Variants in LRRIQ1 observed in about 807,000 individuals in gnomAD.
LRRIQ1 encodes leucine rich repeats and IQ motif containing 1.
A neutral mutation model predicts 211.9 loss-of-function variants in LRRIQ1; 210 were observed. The observed-to-expected ratio is 0.99, with a 90% CI of 0.89 to 1.11. The LOEUF is 1.11. Among genes scored for constraint, LRRIQ1 ranks in the 50% most tolerant of loss-of-function variants. The probability of loss-of-function intolerance (pLI) is 0.00; values close to 1 mark genes in which losing one functional copy is unlikely to be tolerated. For missense variants in LRRIQ1, 2,136 were observed against 1,939.5 expected (o/e 1.10, Z -1.90); for synonymous variants, 699 against 650.1 (o/e 1.08, Z -1.14).
At chr12:85,272,369 G>A in the LRRIQ1 span, among the ~76,000 whole-genome samples, 2 of 152,068 alleles carry the variant, frequency 1.3e-5, no homozygotes, top group African/African-American at 4.8e-5. Flanking sequence ...CAATTATTAA[G>A]CAATTCCTAA....
intron 15 of LRRIQ1, among the ~76,000 whole-genome samples, chr12:85,112,661 T>C (rs1226610083): frequency 6.6e-6 from 1 of 151,738 alleles, no homozygotes; most frequent in Non-Finnish European, 1.5e-5. Flanking sequence ...CCAGAGAAAA[T>C]TGGTCACTGC....
intron 11 of LRRIQ1, among the ~76,000 whole-genome samples, chr12:85,075,705 A>C (rs1431466483): frequency 1.3e-5 from 2 of 151,970 alleles, no homozygotes; most frequent in Non-Finnish European, 2.9e-5. Flanking sequence ...ACAGGGACAA[A>C]TATCCAAACT....
chr12:85,120,758 A>T (rs1887915680), intron 15 of LRRIQ1, among the ~76,000 whole-genome samples: 1 of 152,108 alleles, frequency 6.6e-6, no homozygotes. Context: ...GTTTTTAATT[A>T]GGGGATTAAC....
chr12:85,169,430 A>G (rs552655601), intron 24 of LRRIQ1, among the ~76,000 whole-genome samples: 1 of 152,296 alleles, frequency 6.6e-6, no homozygotes, highest in South Asian at 2.1e-4. Flanking sequence ...AAGTATCTAA[A>G]ATCTTTTCAT....
chr12:85,124,651 G>C, intron 17 of LRRIQ1, 132 bp downstream of exon 17: 2 of 701,414 alleles, frequency 2.9e-6, no homozygotes, highest in South Asian at 1.8e-5. Context: ...ATTCCATTAT[G>C]TTTTCGTGAG....
chr12:85,085,141 T>G (rs1884691017), intron 11 of LRRIQ1, among the ~76,000 whole-genome samples: 2 of 152,108 alleles, frequency 1.3e-5, no homozygotes, highest in African/African-American at 4.8e-5. Flanking sequence ...TTATTTAGTT[T>G]CAGGGATTGT....
intron 1 of LRRIQ1, among the ~76,000 whole-genome samples, chr12:85,036,786 T>G (rs1161640506): frequency 6.6e-6 from 1 of 152,004 alleles, no homozygotes; most frequent in Non-Finnish European, 1.5e-5. Context: ...ATGAACCTTA[T>G]AAAGTAGATT....
chr12:85,154,595 A>T (rs74114211), intron 23 of LRRIQ1, among the ~76,000 whole-genome samples: 3 of 151,318 alleles, frequency 2.0e-5, no homozygotes, highest in African/African-American at 4.8e-5. Flanking sequence ...AGCATCTTTT[A>T]TTCTATCCCA....
At chr12:85,161,263 A>T (rs936011655) in intron 24 of LRRIQ1, among the ~76,000 whole-genome samples, 1 of 152,176 alleles carries the variant, frequency 6.6e-6, no homozygotes, top group African/African-American at 2.4e-5. Flanking sequence ...AAATTATTAA[A>T]CAGAAATATT....
At chr12:85,188,799 C>T (rs1288350831) in intron 24 of LRRIQ1, among the ~76,000 whole-genome samples, 1 of 152,112 alleles carries the variant, frequency 6.6e-6, no homozygotes, top group East Asian at 1.9e-4. Flanking sequence ...AGCCAGTGTC[C>T]TTCCTGATTG....
intron 26 of LRRIQ1, among the ~76,000 whole-genome samples, chr12:85,241,425 A>G (rs977244089): frequency 2.0e-5 from 3 of 152,070 alleles, no homozygotes; most frequent in African/African-American, 7.2e-5. Flanking sequence ...TTTTCTTTAC[A>G]TGAAGTTAAA....
At chr12:85,195,148 C>G (rs2136972272) in intron 24 of LRRIQ1, among the ~76,000 whole-genome samples, 1 of 152,048 alleles carries the variant, frequency 6.6e-6, no homozygotes, top group East Asian at 1.9e-4. Context: ...CTGAATAGAC[C>G]AATAACAGGA....
At chr12:85,103,669 A>G (rs913235172) in intron 13 of LRRIQ1, among the ~76,000 whole-genome samples, 3 of 151,778 alleles carry the variant, frequency 2.0e-5, no homozygotes, top group Admixed American at 6.6e-5. Flanking sequence ...CAAAATAATC[A>G]GAAGAAAACA....
At chr12:85,163,696 T>C (rs1891013412) in intron 24 of LRRIQ1, among the ~76,000 whole-genome samples, 1 of 152,158 alleles carries the variant, frequency 6.6e-6, no homozygotes. Context: ...ATGGTAGATA[T>C]ATCTCTGTTG....
intron 23 of LRRIQ1, among the ~76,000 whole-genome samples, chr12:85,158,030 A>G (rs548955506): frequency 2.2e-4 from 33 of 152,072 alleles, no homozygotes; most frequent in Non-Finnish European, 4.3e-4. Flanking sequence ...AGTTTATTCA[A>G]GATTTATTTT....
chr12:85,184,806 G>C (rs1892152346), intron 24 of LRRIQ1, among the ~76,000 whole-genome samples: 1 of 151,842 alleles, frequency 6.6e-6, no homozygotes, highest in Non-Finnish European at 1.5e-5. Context: ...TAAAATAGCA[G>C]TTTTAATGTT....
chr12:85,216,690 T>G (rs1287393835), intron 24 of LRRIQ1, among the ~76,000 whole-genome samples: 1 of 151,952 alleles, frequency 6.6e-6, no homozygotes, highest in East Asian at 1.9e-4. Context: ...GTAGACCAAT[T>G]ATTCCTACCT....
intron 11 of LRRIQ1, among the ~76,000 whole-genome samples, chr12:85,092,900 A>G (rs962553082): frequency 2.0e-5 from 3 of 152,210 alleles, no homozygotes; most frequent in Admixed American, 1.3e-4. Context: ...GACATTTGTC[A>G]TGAAGTTTTA....
At chr12:85,246,411 A>G (rs1356389571), downstream of LRRIQ1, among the ~76,000 whole-genome samples, 1 of 151,386 alleles carries the variant, frequency 6.6e-6, no homozygotes, top group African/African-American at 2.4e-5. Context: ...AACTCATATG[A>G]TATCACTTTG....
Sources: allele counts gnomAD v4.1 joint callset (sites outside exome capture counted in the v4.1 genomes callset), GRCh38; gene constraint gnomAD v4.1.1; transcripts MANE v1.5; gene names NCBI Gene and HGNC (gene_info 2026-07-23, HGNC 2026-07-21).